FGF10: variants seen among roughly 807,000 people sequenced by gnomAD.
FGF10 encodes the protein FGF-10.
A neutral mutation model predicts 19.8 loss-of-function variants in FGF10; 2 were observed. That is an observed-to-expected ratio of 0.10 (90% CI 0.04 to 0.32). The LOEUF is 0.32. Ranked by LOEUF, FGF10 falls within the 10% of genes least tolerant of loss-of-function variation. The probability of loss-of-function intolerance (pLI) is 1.00; values close to 1 mark genes in which losing one functional copy is unlikely to be tolerated. For missense variants in FGF10, 191 were observed against 246.3 expected (o/e 0.78, Z 1.50); for synonymous variants, 112 against 94.0 (o/e 1.19, Z -1.10).
chr5:44,338,170 A>G (rs1432995524), intron 1 of FGF10, among the ~76,000 whole-genome samples: 1 of 152,208 alleles, frequency 6.6e-6, no homozygotes, highest in African/African-American at 2.4e-5. Flanking sequence ...TCACAATTCT[A>G]TAAAAGCTAC....
intron 1 of FGF10, among the ~76,000 whole-genome samples, chr5:44,351,246 A>G (rs1310154591): frequency 2.6e-5 from 4 of 151,596 alleles, no homozygotes; most frequent in Admixed American, 6.6e-5. Context: ...ACATGACAGT[A>G]TGTGTCAATT....
intron 1 of FGF10, among the ~76,000 whole-genome samples, chr5:44,351,676 G>A (rs1741236740): frequency 6.6e-6 from 1 of 151,558 alleles, no homozygotes; most frequent in African/African-American, 2.4e-5. Flanking sequence ...GATTACCTGT[G>A]ACTACTTTCT....
intron 1 of FGF10, among the ~76,000 whole-genome samples, chr5:44,364,561 C>T (rs1171498829): frequency 6.6e-6 from 1 of 151,768 alleles, no homozygotes; most frequent in Admixed American, 6.6e-5. Context: ...CGAAATAGTG[C>T]TGTGGCTAAC....
At chr5:44,360,482 T>C (rs1159013181) in intron 1 of FGF10, among the ~76,000 whole-genome samples, 1 of 151,542 alleles carries the variant, frequency 6.6e-6, no homozygotes, top group Admixed American at 6.6e-5. Context: ...ACATTTGTAA[T>C]TTAAGTCAAG....
At chr5:44,347,704 G>GA (rs1741119080) in intron 1 of FGF10, among the ~76,000 whole-genome samples, 3 of 151,608 alleles carry the variant, frequency 2.0e-5, no homozygotes, top group African/African-American at 7.3e-5. Flanking sequence ...TTAGCACAGA[G>GA]CAAAAGGTCT....
Position 44,303,436 on chromosome 5 carries a change from G to C in FGF10, c.*1559C>G, listed in dbSNP as rs546927576. 1.2e-3 allele frequency: 179 copies of C among 152,130 alleles called. 1 individual carries two copies. Among genetic ancestry groups the C allele is most frequent in the African/African-American group, 4.2e-3 (176 of 41,540 alleles). The allele number at this position is 152,130 out of a possible 1,614,324, so 9.4% of individuals were successfully genotyped here. On this transcript the variant is annotated 3_prime_UTR_variant, in exon 3 of 3. Transcript: ENST00000264664. ...AATGCTTTTTCAAAACAAGAAATAT[G>C]AAGATAAAACTGCAGCATCAATATA...
At chr5:44,370,148 C>G (rs967872753) in intron 1 of FGF10, among the ~76,000 whole-genome samples, 5 of 152,108 alleles carry the variant, frequency 3.3e-5, no homozygotes. Flanking sequence ...ATATCTATTA[C>G]TGCCTGTTAT....
chr5:44,367,516 A>C (rs1741645924), intron 1 of FGF10, among the ~76,000 whole-genome samples: 2 of 152,044 alleles, frequency 1.3e-5, no homozygotes. Flanking sequence ...CAGGAACTGA[A>C]GCCATACTAC....
At chr5:44,374,336 T>A (rs1468663967) in intron 1 of FGF10, among the ~76,000 whole-genome samples, 1 of 152,126 alleles carries the variant, frequency 6.6e-6, no homozygotes, top group Non-Finnish European at 1.5e-5. Flanking sequence ...CATTTCAAGA[T>A]CCTTAACTTG....
At chr5:44,383,379 C>G (rs138239281) in intron 1 of FGF10, among the ~76,000 whole-genome samples, 1 of 152,048 alleles carries the variant, frequency 6.6e-6, no homozygotes, top group East Asian at 1.9e-4. Context: ...CTATAAGACA[C>G]GCTTCTTCTA....
intron 1 of FGF10, among the ~76,000 whole-genome samples, chr5:44,340,814 T>C (rs1740953149): frequency 6.6e-6 from 1 of 151,348 alleles, no homozygotes; most frequent in Admixed American, 6.6e-5. Context: ...AATGTATGTG[T>C]TGTCCTTTGC....
chr5:44,326,623 G>C (rs937095213), intron 1 of FGF10, among the ~76,000 whole-genome samples: 1 of 151,082 alleles, frequency 6.6e-6, no homozygotes, highest in African/African-American at 2.4e-5. Context: ...TGCCTAAGCT[G>C]TTCTCAATCT....
chr5:44,320,911 A>G (rs751402999), intron 1 of FGF10, among the ~76,000 whole-genome samples: 31 of 151,888 alleles, frequency 2.0e-4, no homozygotes, highest in Non-Finnish European at 3.5e-4. Flanking sequence ...GGGTTTCACC[A>G]TGTTGCTCAG....
intron 1 of FGF10, among the ~76,000 whole-genome samples, chr5:44,329,699 G>T (rs959015235): frequency 5.9e-5 from 9 of 152,124 alleles, no homozygotes; most frequent in African/African-American, 2.2e-4. Flanking sequence ...CTTTTAAGTG[G>T]TTTTGGCAAA....
intron 1 of FGF10, among the ~76,000 whole-genome samples, chr5:44,359,470 A>G (rs1343208079): frequency 6.6e-6 from 1 of 151,512 alleles, no homozygotes; most frequent in Non-Finnish European, 1.5e-5. Context: ...GAAAATGTGA[A>G]TTAGATAAAT....
chr5:44,355,161 G>T (rs907339266), intron 1 of FGF10, among the ~76,000 whole-genome samples: 1 of 151,410 alleles, frequency 6.6e-6, no homozygotes, highest in Non-Finnish European at 1.5e-5. Flanking sequence ...TTGGAAAAAT[G>T]GGGTAGGAAA....
At chr5:44,378,587 G>T (rs564821124) in intron 1 of FGF10, among the ~76,000 whole-genome samples, 2 of 151,956 alleles carry the variant, frequency 1.3e-5, no homozygotes, top group Non-Finnish European at 2.9e-5. Flanking sequence ...GCCCGCCACC[G>T]CGCCCGGCTA....
chr5:44,339,429 C>T (rs983356268), intron 1 of FGF10, among the ~76,000 whole-genome samples: 1 of 152,016 alleles, frequency 6.6e-6, no homozygotes, highest in Admixed American at 6.6e-5. Flanking sequence ...AGAAAAACCC[C>T]ACAAATTAAA....
intron 1 of FGF10, among the ~76,000 whole-genome samples, chr5:44,312,086 A>T (rs35780611): frequency 2.6e-5 from 4 of 152,134 alleles, no homozygotes; most frequent in South Asian, 4.2e-4. Flanking sequence ...AAAGAGATAT[A>T]TCTCACTCTA....
Sources: gnomAD v4.1 joint callset for allele counts (sites outside exome capture counted in the v4.1 genomes callset) on GRCh38, gnomAD v4.1.1 for gene constraint, MANE v1.5 for transcripts, NCBI Gene and HGNC (gene_info 2026-07-23, HGNC 2026-07-21) for gene names.